Variants in TCF7 observed in about 807,000 individuals in gnomAD.
The protein encoded by TCF7 is T-cell-factor-7.
A neutral mutation model predicts 46.8 loss-of-function variants in TCF7; 19 were observed. The ratio of observed to expected loss-of-function variants is 0.41; its 90% CI spans 0.28 to 0.60. TCF7 has a LOEUF of 0.60. Ranked by LOEUF, TCF7 falls within the 20% of genes least tolerant of loss-of-function variation. The probability of loss-of-function intolerance (pLI) is 0.35; values close to 1 mark genes in which losing one functional copy is unlikely to be tolerated. For synonymous variants in TCF7, 245 were observed against 213.4 expected (o/e 1.15, Z -1.29); for missense variants, 547 against 504.6 (o/e 1.08, Z -0.81).
intron 3 of TCF7, among the ~76,000 whole-genome samples, chr5:134,135,839 G>A (rs1226230829): frequency 6.6e-6 from 1 of 152,220 alleles, no homozygotes; most frequent in African/African-American, 2.4e-5. Flanking sequence ...AGGTCAGGAA[G>A]GAGTGGCCCA....
Position 134,146,586 on chromosome 5 carries a change from CAT to C in TCF7, c.*284_*285del. 1.4e-6 allele frequency: 1 copy of C among 696,462 alleles called. No homozygotes were observed. Among genetic ancestry groups the C allele is most frequent in the Non-Finnish European group, 2.6e-6 (1 of 379,962 alleles). The allele number at this position is 696,462 out of a possible 1,614,324, so 43.1% of individuals were successfully genotyped here. On this transcript the variant is annotated 3_prime_UTR_variant, in exon 10 of 10. Coordinates refer to ENST00000342854, the MANE Select transcript of TCF7 (RefSeq NM_003202.5). ...CTGAAAGTGACAGAGACCCAGATCT[CAT>C]GGAAACTGGCCAGGGGTCCTGTTAA...
rs1465985467 is a variant in TCF7, at chr5:134,147,680, A to G, written c.*1377A>G. On this transcript the variant is annotated 3_prime_UTR_variant, in exon 10 of 10. Coordinates refer to ENST00000342854, the MANE Select transcript of TCF7 (RefSeq NM_003202.5). ...TTTTGTTTTTTGCCTAAATCCAAAG[A>G]AAAAGGGCTGCCGGGCCAGGCGCGG... 2 of 152,534 alleles carry G rather than the reference A, an allele frequency of 1.3e-5. No homozygotes were observed. Among genetic ancestry groups the G allele is most frequent in the East Asian group, 3.9e-4 (2 of 5,194 alleles). The allele number at this position is 152,534 out of a possible 1,614,324, so 9.4% of individuals were successfully genotyped here.
chr5:134,136,866 G>A (rs937768338), intron 3 of TCF7, among the ~76,000 whole-genome samples: 9 of 152,182 alleles, frequency 5.9e-5, no homozygotes, highest in African/African-American at 1.9e-4. Flanking sequence ...AAGATGTCCC[G>A]TTTCCTCTGT....
rs1760041648 is a variant in TCF7, at chr5:134,142,759, A to G, written c.794A>G (p.Lys265Arg). The G allele has an allele frequency of 6.2e-7, 1 of 1,614,214 alleles. No homozygotes were observed. The highest frequency in any genetic ancestry group is 8.5e-7 in the Non-Finnish European group (1 of 1,180,030). The stretch of plus-strand genomic sequence containing the variant: ...GAGTCCAAGGCAGAGAAGGAGGCCA[A>G]GAAGCCAACCATCAAGAAGCCCCTC... ...QAESKAEKEAKKPTIKKPLNA... is the reference protein window; with the variant it reads ...QAESKAEKEARKPTIKKPLNA... Residue 265 changes from lysine (K) to arginine (R), a missense_variant, in exon 7 of 10, where the codon AAG (lysine) becomes AGG (arginine). By Grantham distance (26) the Lys-to-Arg change is conservative. Transcript: ENST00000342854.
intron 9 of TCF7, chr5:134,145,437 A>C: frequency 7.2e-6 from 4 of 557,196 alleles, no homozygotes; most frequent in Non-Finnish European, 6.9e-6. Context: ...GTCTGAGGGA[A>C]AGGGCTCATG....
In TCF7 at chr5:134,115,839, A is replaced by G; in HGVS notation, c.317-70A>G. The G allele has an allele frequency of 3.1e-6, 5 of 1,604,830 alleles. No homozygotes were observed. The Admixed American group carries it at 5.1e-5, about 17-fold the overall frequency. On this transcript the variant is annotated intron_variant, in intron 2 of 9. Coordinates refer to ENST00000342854, the MANE Select transcript of TCF7 (RefSeq NM_003202.5). ...ACCCCTTGGCAATTCTTTTTCTCTC[A>G]AGAGCAGACAGCCTTCAGTCCCAGC... is the stretch of plus-strand genomic sequence containing the variant.
At chr5:134,131,396 C>T (rs1471795475) in intron 3 of TCF7, among the ~76,000 whole-genome samples, 1 of 152,240 alleles carries the variant, frequency 6.6e-6, no homozygotes, top group East Asian at 1.9e-4. Context: ...GCAAACAGAA[C>T]AGTAACCATA....
chr5:134,115,014 G>A lies in TCF7; in HGVS notation c.108G>A (p.Lys36=), dbSNP rs1227373113. Residue 36 remains lysine, a synonymous_variant, in exon 1 of 10, where the codon AAG becomes AAA. Transcript: ENST00000342854. The part of the protein sequence containing the change: ...FQDEGEEQDD[K]SRDSAAGPER... ...ATGAAGGCGAGGAGCAGGACGACAA[G>A]AGCCGCGACAGCGCCGCCGGTCCCG... The A allele has an allele frequency of 1.3e-5, 16 of 1,256,358 alleles. No individual in the cohort carries two copies. The highest frequency in any genetic ancestry group is 1.2e-5 in the Non-Finnish European group (12 of 976,030). The allele number at this position is 1,256,358 out of a possible 1,614,324, so 77.8% of individuals were successfully genotyped here.
chr5:134,112,181 T>G (rs1561638460), upstream of TCF7, among the ~76,000 whole-genome samples: 1 of 152,208 alleles, frequency 6.6e-6, no homozygotes, highest in Non-Finnish European at 1.5e-5. Context: ...ACATGAAATC[T>G]ACCTCCTTCA....
In TCF7 at chr5:134,139,058, G is replaced by C; in HGVS notation, c.635+20G>C. Reference sequence around the variant, plus strand: ...GAGCTGGTGAGTGTGGGCCCAATGGGAAAGGGGTACCGTGTGCTGGTCAGA... The same window carrying C: ...GAGCTGGTGAGTGTGGGCCCAATGGCAAAGGGGTACCGTGTGCTGGTCAGA... On this transcript the variant is annotated intron_variant, in intron 5 of 9. Transcript: ENST00000342854. 6.2e-7 allele frequency: 1 copy of C among 1,613,040 alleles called. No homozygotes were observed. Among genetic ancestry groups the C allele is most frequent in the South Asian group, 1.1e-5 (1 of 91,024 alleles).
chr5:134,111,447 T>C (rs549237940), upstream of TCF7, among the ~76,000 whole-genome samples: 1 of 152,242 alleles, frequency 6.6e-6, no homozygotes, highest in East Asian at 1.9e-4. Flanking sequence ...CAGATTGCAC[T>C]CACTACCCTG....
At chr5:134,138,862 GC>G (rs1437923043) in intron 4 of TCF7, 88 bp from the exon 5 acceptor site, 19 of 1,554,938 alleles carry the variant, frequency 1.2e-5, no homozygotes, top group Admixed American at 5.6e-5. Context: ...GGATCTTAAG[GC>G]CCCTGTAGGA....
intron 2 of TCF7, chr5:134,115,697 G>A: frequency 7.0e-7 from 1 of 1,430,232 alleles, no homozygotes; most frequent in South Asian, 1.5e-5. Context: ...GAGGGCGGGG[G>A]GTGGGAGGTC....
chr5:134,128,378 G>A (rs73790166), intron 3 of TCF7, among the ~76,000 whole-genome samples: 2 of 152,090 alleles, frequency 1.3e-5, no homozygotes, highest in East Asian at 1.9e-4. Context: ...GTGAGGGCTC[G>A]GGCAGCAGCA....
chr5:134,138,366 A>C, intron 4 of TCF7: 1 of 547,268 alleles, frequency 1.8e-6, no homozygotes, highest in Non-Finnish European at 3.3e-6. Context: ...CTAGGTCAAA[A>C]TGTGAAGGCT....
At position 134,142,982 on chromosome 5, in the gene TCF7, C is replaced by G. The variant is rs748246642; in HGVS notation, c.919-11C>G. The G allele has an allele frequency of 6.2e-7, 1 of 1,613,826 alleles. No homozygotes were observed. The highest frequency in any genetic ancestry group is 8.5e-7 in the Non-Finnish European group (1 of 1,179,806). On this transcript the variant is annotated splice_polypyrimidine_tract_variant and intron_variant, in intron 7 of 9. Coordinates refer to ENST00000342854, the MANE Select transcript of TCF7 (RefSeq NM_003202.5). ...CTGATGCACCCCACCTGCCCCTCTT[C>G]CCTGTTGCAGTGGCACGCGCTGTCG...
At chr5:134,125,774 A>T (rs893778450) in intron 3 of TCF7, among the ~76,000 whole-genome samples, 19 of 152,208 alleles carry the variant, frequency 1.2e-4, no homozygotes, top group Admixed American at 3.9e-4. Context: ...CACTGCCAAC[A>T]TGTTTGTGAG....
In TCF7 at chr5:134,115,097, G is replaced by C. The variant is rs1310580392; in HGVS notation, c.191G>C (p.Gly64Ala). Residue 64 changes from glycine (G) to alanine (A), a missense_variant, in exon 1 of 10, where the codon GGC (glycine) becomes GCC (alanine). Gly to Ala is a moderately conservative substitution (Grantham distance 60). Transcript: ENST00000342854. ...GTGAACGAGTCCGAGGGCGCGGCCG[G>C]CGGCGCAGGGATCCCGGGGGTCCCG... ...SLVNESEGAAGGAGIPGVPGA... is the reference protein window; with the variant it reads ...SLVNESEGAAAGAGIPGVPGA... 1.8e-6 allele frequency: 2 copies of C among 1,082,970 alleles called. No individual in the cohort carries two copies. Among genetic ancestry groups the C allele is most frequent in the Non-Finnish European group, 1.1e-6 (1 of 881,734 alleles). The allele number at this position is 1,082,970 out of a possible 1,614,324, so 67.1% of individuals were successfully genotyped here. A position where few individuals can be genotyped will look rare whatever the true frequency, so the allele number is the denominator to read the frequency against.
chr5:134,115,496 C>T, intron 2 of TCF7, 109 bp downstream of exon 2: 2 of 1,489,756 alleles, frequency 1.3e-6, no homozygotes, highest in Non-Finnish European at 1.8e-6. Flanking sequence ...CACCGCAGCT[C>T]AGGAGGCGGC....
Sources: gnomAD v4.1 joint callset for allele counts (sites outside exome capture counted in the v4.1 genomes callset) on GRCh38, gnomAD v4.1.1 for gene constraint, MANE v1.5 for transcripts, NCBI Gene and HGNC (gene_info 2026-07-23, HGNC 2026-07-21) for gene names.